The following ROBO2 variants were observed in gnomAD, a reference collection of about 807,000 sequenced individuals.
ROBO2 encodes the protein roundabout homolog 2.
ROBO2 carries 53 observed loss-of-function variants against 160.8 expected under a neutral mutation model. The ratio of observed to expected loss-of-function variants is 0.33; its 90% CI spans 0.26 to 0.41. The LOEUF (loss-of-function observed/expected upper bound fraction) is 0.41, where lower values mean the gene tolerates loss of function less well. Ranked by LOEUF, ROBO2 falls within the 10% of genes least tolerant of loss-of-function variation. ROBO2 has a pLI of 1.00. For synonymous variants in ROBO2, 664 were observed against 611.7 expected (o/e 1.09, Z -1.26); for missense variants, 1,577 against 1,722.4 (o/e 0.92, Z 1.49).
intron 2 of ROBO2, among the ~76,000 whole-genome samples, chr3:76,221,895 T>C (rs1365599826): frequency 6.6e-6 from 1 of 152,108 alleles, no homozygotes; most frequent in African/African-American, 2.4e-5. Flanking sequence ...ATCCATAACC[T>C]GAGAAGGGTC....
At chr3:76,611,973 C>A (rs2109089685) in intron 2 of ROBO2, among the ~76,000 whole-genome samples, 1 of 152,266 alleles carries the variant, frequency 6.6e-6, no homozygotes, top group East Asian at 1.9e-4. Context: ...TTTTCACTTG[C>A]TTCAAAAAAT....
intron 2 of ROBO2, among the ~76,000 whole-genome samples, chr3:75,995,715 C>CTTT (rs1302824456): frequency 6.6e-6 from 1 of 152,132 alleles, no homozygotes; most frequent in Non-Finnish European, 1.5e-5. Context: ...GCTGCAGACA[C>CTTT]TGAAAGCCAG....
At chr3:77,109,434 C>T (rs1393476074) in intron 2 of ROBO2, among the ~76,000 whole-genome samples, 2 of 152,102 alleles carry the variant, frequency 1.3e-5, no homozygotes, top group East Asian at 3.9e-4. Context: ...ACCACCACAA[C>T]AAAAACCAAG....
At chr3:76,442,843 A>C (rs2076987804) in intron 2 of ROBO2, among the ~76,000 whole-genome samples, 1 of 152,226 alleles carries the variant, frequency 6.6e-6, no homozygotes, top group African/African-American at 2.4e-5. Context: ...ATAATACTTT[A>C]CTAATAATAA....
At chr3:77,057,831 A>G (rs989776960) in intron 1 of ROBO2, among the ~76,000 whole-genome samples, 1 of 151,862 alleles carries the variant, frequency 6.6e-6, no homozygotes, top group Non-Finnish European at 1.5e-5. Context: ...GACCTCCCAA[A>G]GTGTTGGGAT....
At chr3:76,143,415 A>G (rs1239920862) in intron 2 of ROBO2, among the ~76,000 whole-genome samples, 1 of 152,078 alleles carries the variant, frequency 6.6e-6, no homozygotes, top group African/African-American at 2.4e-5. Flanking sequence ...CAACCTTATT[A>G]TATTTATTAG....
At chr3:76,479,110 C>T (rs1015135837) in intron 2 of ROBO2, among the ~76,000 whole-genome samples, 4 of 152,142 alleles carry the variant, frequency 2.6e-5, no homozygotes, top group Non-Finnish European at 5.9e-5. Flanking sequence ...TCAGGCAATC[C>T]TTTCACATAT....
intron 2 of ROBO2, among the ~76,000 whole-genome samples, chr3:77,140,252 GA>G (rs1298811111): frequency 6.6e-6 from 1 of 152,104 alleles, no homozygotes; most frequent in East Asian, 1.9e-4. Context: ...AGATTAAGAT[GA>G]AATGTTTTAA....
At chr3:76,636,555 C>T (rs1034363736) in intron 2 of ROBO2, among the ~76,000 whole-genome samples, 1 of 152,094 alleles carries the variant, frequency 6.6e-6, no homozygotes, top group Non-Finnish European at 1.5e-5. Context: ...GTCCTGACTC[C>T]CAGCAATGGT....
chr3:76,981,153 T>C (rs2060077126), intron 2 of ROBO2, among the ~76,000 whole-genome samples: 1 of 152,254 alleles, frequency 6.6e-6, no homozygotes, highest in African/African-American at 2.4e-5. Context: ...TAAACATTTA[T>C]GTGCAAGATT....
chr3:77,394,040 T>C (rs1335999331), intron 2 of ROBO2, among the ~76,000 whole-genome samples: 1 of 152,166 alleles, frequency 6.6e-6, no homozygotes, highest in East Asian at 1.9e-4. Context: ...TGAACCCTCA[T>C]AACTGCTTCT....
chr3:76,643,052 T>C (rs745335493), intron 2 of ROBO2, among the ~76,000 whole-genome samples: 1 of 152,216 alleles, frequency 6.6e-6, no homozygotes, highest in Non-Finnish European at 1.5e-5. Context: ...TTGTTATAGA[T>C]AATTAGTAGC....
chr3:77,193,235 T>C (rs952661214), intron 2 of ROBO2, among the ~76,000 whole-genome samples: 8 of 151,760 alleles, frequency 5.3e-5, no homozygotes, highest in Admixed American at 1.3e-4. Context: ...AAGGGATTCT[T>C]GTTGGCATGA....
intron 2 of ROBO2, among the ~76,000 whole-genome samples, chr3:76,419,805 A>G (rs920443171): frequency 1.3e-5 from 2 of 152,156 alleles, no homozygotes; most frequent in Non-Finnish European, 2.9e-5. Context: ...GCTATTTCCA[A>G]TGTTATATGA....
chr3:76,505,308 A>G (rs576952534), intron 2 of ROBO2, among the ~76,000 whole-genome samples: 2 of 152,184 alleles, frequency 1.3e-5, no homozygotes, highest in Non-Finnish European at 2.9e-5. Flanking sequence ...TGTTTCCTCA[A>G]TTAGGAGCTC....
intron 2 of ROBO2, among the ~76,000 whole-genome samples, chr3:76,239,054 C>A (rs1434769593): frequency 3.9e-5 from 6 of 152,170 alleles, no homozygotes; most frequent in Non-Finnish European, 7.3e-5. Context: ...GTACTGACTC[C>A]TTCCTGATAT....
At chr3:76,624,628 G>A (rs922144564) in intron 2 of ROBO2, among the ~76,000 whole-genome samples, 1 of 151,186 alleles carries the variant, frequency 6.6e-6, no homozygotes, top group Non-Finnish European at 1.5e-5. Flanking sequence ...GTGAAACCCC[G>A]TCTCTACTAA....
Position 77,321,876 on chromosome 3 carries a change from C to T in ROBO2, c.389-155538C>T, listed in dbSNP as rs369983346. Among the ~76,000 whole-genome samples, 25 of 152,066 alleles carry T rather than the reference C, an allele frequency of 1.6e-4. No homozygotes were observed. The South Asian group carries it at 2.7e-3, about 16-fold the overall frequency. On this transcript the variant is annotated intron_variant, in intron 2 of 25. Transcript: ENST00000461745. ...GGACAAAGTGGCCCTTTGTTTGAGA[C>T]GGATGAAAGGACAGTTAAGTACAGA...
chr3:77,212,947 C>G (rs2084386819), intron 2 of ROBO2, among the ~76,000 whole-genome samples: 1 of 152,142 alleles, frequency 6.6e-6, no homozygotes, highest in Non-Finnish European at 1.5e-5. Context: ...GGTGGATAAG[C>G]TTTTTGATGT....
Sources: allele counts gnomAD v4.1 joint callset (sites outside exome capture counted in the v4.1 genomes callset), GRCh38; gene constraint gnomAD v4.1.1; transcripts MANE v1.5; gene names NCBI Gene and HGNC (gene_info 2026-07-23, HGNC 2026-07-21).